The following CYP51A1 variants were observed in gnomAD, a reference collection of about 807,000 sequenced individuals.
The protein encoded by CYP51A1 is lanosterol 14-alpha demethylase.
A neutral mutation model predicts 53.5 loss-of-function variants in CYP51A1; 45 were observed. The observed-to-expected ratio is 0.84, with a 90% CI of 0.66 to 1.08. The LOEUF (loss-of-function observed/expected upper bound fraction) is 1.08. Ranked by LOEUF, CYP51A1 falls within the 50% of genes least tolerant of loss-of-function variation. The pLI is 0.00. For synonymous variants in CYP51A1, 181 were observed against 217.7 expected, an observed-to-expected ratio of 0.83 and a Z score of 1.48; for missense variants, 462 against 621.7, an observed-to-expected ratio of 0.74 and a Z score of 2.73.
Position 92,113,882 on chromosome 7 carries a change from C to A in CYP51A1, c.1352-39G>T, listed in dbSNP as rs754925667. ...AAAGTTATAAGAATCAGTTTAAATTCTTTCTCATCCTTTTTAGCCTGGGGT... is the reference window on the plus strand; with the variant it reads ...AAAGTTATAAGAATCAGTTTAAATTATTTCTCATCCTTTTTAGCCTGGGGT... On this transcript the variant is annotated intron_variant, in intron 9 of 9. Transcript: ENST00000003100. 6.4e-6 allele frequency: 9 copies of A among 1,407,080 alleles called. No homozygotes were observed. In the East Asian group the frequency reaches 9.2e-5, roughly 14 times the overall value. 87.2% of individuals were successfully genotyped at this position (1,407,080 alleles called of 1,614,324 possible).
At chr7:92,130,125 C>T (rs774346994) in intron 2 of CYP51A1, among the ~76,000 whole-genome samples, 8 of 152,066 alleles carry the variant, frequency 5.3e-5, no homozygotes, top group South Asian at 2.1e-4. Flanking sequence ...GTTCAGCCTC[C>T]GATAAGAGGC....
At chr7:92,123,403 A>G (rs1356997196) in intron 6 of CYP51A1, 88 bp from the exon 7 acceptor site, 3 of 1,141,234 alleles carry the variant, frequency 2.6e-6, no homozygotes, top group African/African-American at 1.6e-5. Flanking sequence ...TAATGAATAC[A>G]TTTTTCAGGT....
chr7:92,117,703 A>G (rs1200259977), intron 8 of CYP51A1, among the ~76,000 whole-genome samples: 1 of 152,236 alleles, frequency 6.6e-6, no homozygotes, highest in African/African-American at 2.4e-5. Context: ...AAAGATTAGC[A>G]TGTAGGCCGG....
intron 7 of CYP51A1, among the ~76,000 whole-genome samples, chr7:92,122,378 A>G (rs566922433): frequency 6.6e-6 from 1 of 152,020 alleles, no homozygotes; most frequent in South Asian, 2.1e-4. Context: ...TGATATCAAA[A>G]CCAGTCAAAG....
intron 9 of CYP51A1, among the ~76,000 whole-genome samples, chr7:92,114,917 G>C (rs1819554446): frequency 6.6e-6 from 1 of 152,194 alleles, no homozygotes; most frequent in African/African-American, 2.4e-5. Flanking sequence ...CACAGTGCTT[G>C]CTTGGCCCAT....
intron 7 of CYP51A1, among the ~76,000 whole-genome samples, chr7:92,121,570 A>C (rs1490104365): frequency 2.0e-5 from 3 of 152,248 alleles, no homozygotes; most frequent in African/African-American, 7.2e-5. Context: ...AAACAACTCA[A>C]ATGTCCATCA....
intron 4 of CYP51A1, among the ~76,000 whole-genome samples, chr7:92,127,077 A>T (rs1819815433): frequency 6.6e-6 from 1 of 152,254 alleles, no homozygotes; most frequent in Admixed American, 6.5e-5. Context: ...TGCTGTAATT[A>T]TATGTCTCAC....
chr7:92,127,416 G>GT, intron 4 of CYP51A1, 89 bp downstream of exon 4: 1 of 1,255,860 alleles, frequency 8.0e-7, no homozygotes, highest in Non-Finnish European at 1.1e-6. Context: ...ACTGTAATTT[G>GT]TTTTTTATAT....
At chr7:92,114,952 C>T (rs1382377605) in intron 9 of CYP51A1, among the ~76,000 whole-genome samples, 1 of 152,132 alleles carries the variant, frequency 6.6e-6, no homozygotes, top group Non-Finnish European at 1.5e-5. Flanking sequence ...CTAGGAGTGA[C>T]ATTTAAGATG....
In CYP51A1 at chr7:92,113,460, A is replaced by G. The variant is rs529130704; in HGVS notation, c.*205T>C. 32 of 517,602 alleles carry G rather than the reference A, an allele frequency of 6.2e-5. No individual in the cohort carries two copies. The Admixed American group carries it at 1.0e-3, about 16-fold the overall frequency. The allele number at this position is 517,602 out of a possible 1,614,324, so 32.1% of individuals were successfully genotyped here. A position where few individuals can be genotyped will look rare whatever the true frequency, so the allele number is the denominator to read the frequency against. ...ACTTCCTGAAAGCACATGTATAAGT[A>G]TCATAACTATTAGAAAATGTTTCAA... On this transcript the variant is annotated 3_prime_UTR_variant, in exon 10 of 10. Transcript: ENST00000003100.
At position 92,129,028 on chromosome 7, in the gene CYP51A1, A is replaced by G. The variant is rs1275196515; in HGVS notation, c.320T>C (p.Val107Ala). 3 of 1,613,336 alleles carry G rather than the reference A, an allele frequency of 1.9e-6. No individual in the cohort carries two copies. In the African/African-American group the frequency reaches 4.0e-5, roughly 22 times the overall value. The change falls in exon 3 of 10, where the codon GTA becomes GCA. Residue 107 changes from valine (V) to alanine (A), a missense_variant. Transcript: ENST00000003100. ...KYGPVFSFTM[V>A]GKTFTYLLGS... ...CAGAAGGTAAGTAAATGTCTTGCCT[A>G]CCATGGTAAAACTAAATACAGGTCC...
At chr7:92,120,214 T>C (rs1819663069) in intron 7 of CYP51A1, among the ~76,000 whole-genome samples, 2 of 152,276 alleles carry the variant, frequency 1.3e-5, no homozygotes, top group South Asian at 2.1e-4. Flanking sequence ...AATGCAATCA[T>C]TGTCAAAAAT....
chr7:92,117,211 G>A lies in CYP51A1; in HGVS notation c.1184C>T (p.Thr395Ile). The A allele has an allele frequency of 6.2e-7, 1 of 1,606,344 alleles. No individual in the cohort carries two copies. The highest frequency in any genetic ancestry group is 2.2e-5 in the East Asian group (1 of 44,794). Residue 395 changes from threonine (T) to isoleucine (I), a missense_variant and splice_region_variant, in exon 9 of 10, where the codon ACT (threonine) becomes ATT (isoleucine). Thr to Ile is a moderately conservative substitution (Grantham distance 89, BLOSUM62 -1). Transcript: ENST00000003100. ...TGGAGGAATGGTATACCCTGCCACA[G>A]TCTATAAACAAAAGCCACACATTTC... Reference protein sequence around the residue: ...IMMRMARTPQTVAGYTIPPGH... With the variant: ...IMMRMARTPQIVAGYTIPPGH...
chr7:92,131,736 G>GTTT lies in CYP51A1; in HGVS notation c.291+35_291+37dup, dbSNP rs71292987. The GTTT allele has an allele frequency of 3.0e-3, 2,598 of 872,492 alleles. 39 individuals carry two copies. In the African/African-American group the frequency reaches 0.035, roughly 12 times the overall value. The allele number at this position is 872,492 out of a possible 1,614,324, so 54.0% of individuals were successfully genotyped here. A position where few individuals can be genotyped will look rare whatever the true frequency, so the allele number is the denominator to read the frequency against. The stretch of plus-strand genomic sequence containing the variant: ...AAGTTTAAAAAGCACTTCTCTAGTT[G>GTTT]TTTTTTTTTTTTTCCTCTAATTATT... On this transcript the variant is annotated intron_variant, in intron 2 of 9. Coordinates refer to ENST00000003100, the MANE Select transcript of CYP51A1 (RefSeq NM_000786.4).
At chr7:92,115,450 T>C (rs544380292) in intron 9 of CYP51A1, among the ~76,000 whole-genome samples, 1 of 152,230 alleles carries the variant, frequency 6.6e-6, no homozygotes, top group African/African-American at 2.4e-5. Flanking sequence ...GGGGTAGTAA[T>C]TGGAACAATG....
In CYP51A1 at chr7:92,112,181, A is replaced by AATT. The variant is rs1040149158; in HGVS notation, c.*1481_*1483dup. 3.3e-5 allele frequency: 5 copies of AATT among 152,234 alleles called. No homozygotes were observed. Among genetic ancestry groups the AATT allele is most frequent in the African/African-American group, 9.6e-5 (4 of 41,454 alleles). 9.4% of individuals were successfully genotyped at this position (152,234 alleles called of 1,614,324 possible). ...TTTCAAAGAGAATTTTAATCTGAAA[A>AATT]ATTAGCAGAGATTCTGCCTTCACAA... On this transcript the variant is annotated 3_prime_UTR_variant, in exon 10 of 10. Transcript: ENST00000003100.
intron 9 of CYP51A1, 45 bp from the exon 10 acceptor site, chr7:92,113,888 C>T (rs1819523077): frequency 7.3e-7 from 1 of 1,378,882 alleles, no homozygotes. Flanking sequence ...AATTCTTTCT[C>T]ATCCTTTTTA....
intron 3 of CYP51A1, 43 bp downstream of exon 3, chr7:92,128,837 G>A (rs1819861479): frequency 6.7e-7 from 1 of 1,486,082 alleles, no homozygotes; most frequent in Non-Finnish European, 9.3e-7. Flanking sequence ...TATAACTACT[G>A]AGGTATAGAT....
At chr7:92,127,842 T>A (rs1336961523) in intron 3 of CYP51A1, among the ~76,000 whole-genome samples, 2 of 152,172 alleles carry the variant, frequency 1.3e-5, no homozygotes, top group Non-Finnish European at 2.9e-5. Flanking sequence ...CAGAGGGATT[T>A]TCCAGGGCCC....
Sources: gnomAD v4.1 joint callset for allele counts (sites outside exome capture counted in the v4.1 genomes callset) on GRCh38, gnomAD v4.1.1 for gene constraint, MANE v1.5 for transcripts, NCBI Gene and HGNC (gene_info 2026-07-23, HGNC 2026-07-21) for gene names.